TRDN: variants seen among roughly 807,000 people sequenced by gnomAD.
The protein encoded by TRDN is triadin in skeletal muscle.
In TRDN, 161 loss-of-function variants were observed where a neutral mutation model predicts 149.7. The ratio of observed to expected loss-of-function variants is 1.08; its 90% CI spans 0.95 to 1.23. The LOEUF (loss-of-function observed/expected upper bound fraction) is 1.23. TRDN is among the 50% of genes most tolerant of loss of function. The probability of loss-of-function intolerance (pLI) is 0.00; values close to 1 mark genes in which losing one functional copy is unlikely to be tolerated. For synonymous variants in TRDN, 294 were observed against 250.5 expected (o/e 1.17, Z -1.64); for missense variants, 896 against 823.5 (o/e 1.09, Z -1.08).
At chr6:123,615,249 A>C (rs1785024340) in intron 1 of TRDN, among the ~76,000 whole-genome samples, 1 of 152,176 alleles carries the variant, frequency 6.6e-6, no homozygotes, top group Admixed American at 6.5e-5. Context: ...GGGCTTCCTC[A>C]AAAAACTGAA....
intron 37 of TRDN, 109 bp from the exon 38 acceptor site, chr6:123,252,544 T>G (rs1776411600): frequency 1.8e-6 from 1 of 567,162 alleles, no homozygotes; most frequent in African/African-American, 1.9e-5. Flanking sequence ...TTGCTTATTA[T>G]TTAAGAATCA....
rs2114631239 is a variant in TRDN, at chr6:123,446,245, G to C, written c.932-7242C>G. On this transcript the variant is annotated intron_variant, in intron 10 of 40. Coordinates refer to ENST00000334268, the MANE Select transcript of TRDN (RefSeq NM_006073.4). ...ACTCTGGGGACTGTTGTGGGGTGGG[G>C]GGAGTGGGGAGGGATAGCATTGGGA... is the stretch of plus-strand genomic sequence containing the variant. Among the ~76,000 whole-genome samples the C allele has an allele frequency of 2.0e-5, 3 of 151,612 alleles. No individual in the cohort carries two copies. The Middle Eastern group carries it at 0.01, about 516-fold the overall frequency.
intron 5 of TRDN, among the ~76,000 whole-genome samples, chr6:123,517,421 C>A (rs913778428): frequency 1.4e-4 from 21 of 152,062 alleles, no homozygotes; most frequent in Non-Finnish European, 2.4e-4. Flanking sequence ...CTCATATTAA[C>A]CTTTCTAACA....
chr6:123,589,638 A>G (rs1783685358), intron 1 of TRDN, among the ~76,000 whole-genome samples: 1 of 152,182 alleles, frequency 6.6e-6, no homozygotes, highest in Non-Finnish European at 1.5e-5. Flanking sequence ...TTTACCCCAC[A>G]TGGAGTCATA....
At chr6:123,601,945 G>A (rs1784300522) in intron 1 of TRDN, among the ~76,000 whole-genome samples, 2 of 152,002 alleles carry the variant, frequency 1.3e-5, no homozygotes, top group Non-Finnish European at 2.9e-5. Context: ...ATAAGTACTG[G>A]AAAATGGTGG....
Position 123,366,147 on chromosome 6 carries a change from AAACCGCACC to A in TRDN, c.1300_1308del (p.Gly434_Val436del), listed in dbSNP as rs765757457. 6.2e-6 allele frequency: 10 copies of A among 1,612,558 alleles called. No homozygotes were observed. The African/African-American group carries it at 1.3e-4, about 22-fold the overall frequency. The stretch of plus-strand genomic sequence containing the variant: ...AAGCTGCATTTACCTTTTTTAATTG[AAACCGCACC>A]AATCTCCTCTTTGGCTCGTTCAGTT... On this transcript the variant is annotated inframe_deletion, in exon 20 of 41. Coordinates refer to ENST00000334268, the MANE Select transcript of TRDN (RefSeq NM_006073.4).
intron 38 of TRDN, among the ~76,000 whole-genome samples, chr6:123,245,997 TAAAG>T (rs1376519595): frequency 6.6e-6 from 1 of 152,158 alleles, no homozygotes; most frequent in East Asian, 1.9e-4. Flanking sequence ...ACTGGGTACA[TAAAG>T]AAATGAAGGC....
At chr6:123,351,889 T>A (rs1780475109) in intron 21 of TRDN, 7 of 984,998 alleles carry the variant, frequency 7.1e-6, no homozygotes, top group Non-Finnish European at 8.4e-6. Context: ...GCCACATCAC[T>A]TTAAATGTTT....
intron 20 of TRDN, among the ~76,000 whole-genome samples, chr6:123,355,208 C>A (rs894637667): frequency 2.0e-5 from 3 of 151,700 alleles, no homozygotes; most frequent in African/African-American, 7.2e-5. Flanking sequence ...TATACATATA[C>A]TGTAAATGTC....
intron 9 of TRDN, among the ~76,000 whole-genome samples, chr6:123,473,776 T>G (rs1440884447): frequency 1.3e-5 from 2 of 151,108 alleles, no homozygotes; most frequent in East Asian, 2.0e-4. Context: ...CAGAAGAGAG[T>G]AGGGGCCAAT....
intron 5 of TRDN, among the ~76,000 whole-genome samples, chr6:123,526,373 G>A (rs1438579960): frequency 6.6e-6 from 1 of 151,872 alleles, no homozygotes; most frequent in East Asian, 1.9e-4. Context: ...GGGTTTCAGA[G>A]ACAAATTCTA....
chr6:123,602,243 C>G (rs1010529742), intron 1 of TRDN, among the ~76,000 whole-genome samples: 1 of 152,056 alleles, frequency 6.6e-6, no homozygotes, highest in Non-Finnish European at 1.5e-5. Flanking sequence ...GAATACCACT[C>G]AGCCATAAAA....
At chr6:123,582,881 T>C (rs1159789672) in intron 1 of TRDN, among the ~76,000 whole-genome samples, 1 of 151,838 alleles carries the variant, frequency 6.6e-6, no homozygotes, top group African/African-American at 2.4e-5. Flanking sequence ...CGTGGGAACC[T>C]AGAGTGGGAG....
intron 1 of TRDN, among the ~76,000 whole-genome samples, chr6:123,611,501 C>T (rs181482404): frequency 1.7e-4 from 26 of 152,008 alleles, no homozygotes; most frequent in Non-Finnish European, 3.2e-4. Flanking sequence ...AATTCTTTAG[C>T]GCTCCCATAA....
intron 12 of TRDN, among the ~76,000 whole-genome samples, chr6:123,397,688 T>C (rs559960462): frequency 6.6e-6 from 1 of 152,306 alleles, no homozygotes; most frequent in East Asian, 1.9e-4. Flanking sequence ...TAACTCTAAA[T>C]TTTAGAACTA....
intron 22 of TRDN, among the ~76,000 whole-genome samples, chr6:123,336,923 GA>G (rs1164560568): frequency 2.0e-5 from 3 of 151,770 alleles, no homozygotes; most frequent in Admixed American, 6.6e-5. Context: ...ATTCAGAAGA[GA>G]GGGGACTCAT....
chr6:123,493,492 T>A (rs902077896), intron 9 of TRDN, among the ~76,000 whole-genome samples: 1 of 152,200 alleles, frequency 6.6e-6, no homozygotes, highest in East Asian at 1.9e-4. Flanking sequence ...TTGGGACTTA[T>A]GTCATAGTGT....
At chr6:123,564,766 A>G (rs181897209) in intron 2 of TRDN, among the ~76,000 whole-genome samples, 1 of 152,292 alleles carries the variant, frequency 6.6e-6, no homozygotes, top group Non-Finnish European at 1.5e-5. Context: ...AGTCCCTCCT[A>G]TGTGCCAGGC....
chr6:123,348,467 G>A (rs1448452916), intron 21 of TRDN, among the ~76,000 whole-genome samples: 1 of 152,058 alleles, frequency 6.6e-6, no homozygotes, highest in African/African-American at 2.4e-5. Flanking sequence ...AACTGGAAAA[G>A]TAATTGATGA....
Sources: allele counts gnomAD v4.1 joint callset (sites outside exome capture counted in the v4.1 genomes callset), GRCh38; gene constraint gnomAD v4.1.1; transcripts MANE v1.5; gene names NCBI Gene and HGNC (gene_info 2026-07-23, HGNC 2026-07-21).